LMTK3: variants seen among roughly 807,000 people sequenced by gnomAD.
The protein encoded by LMTK3 is serine/threonine-protein kinase LMTK3.
A neutral mutation model predicts 116.7 loss-of-function variants in LMTK3; 27 were observed. The ratio of observed to expected loss-of-function variants is 0.23; its 90% CI spans 0.17 to 0.32. LMTK3 has a LOEUF of 0.32. Ranked by LOEUF, LMTK3 falls within the 10% of genes least tolerant of loss-of-function variation. The probability of loss-of-function intolerance (pLI) is 1.00; values close to 1 mark genes in which losing one functional copy is unlikely to be tolerated. For missense variants in LMTK3, 1,764 were observed against 2,068.5 expected (o/e 0.85, Z 2.86); for synonymous variants, 965 against 971.0 (o/e 0.99, Z 0.11).
chr19:48,502,863 G>C, intron 6 of LMTK3, 46 bp downstream of exon 6: 1 of 1,420,452 alleles, frequency 7.0e-7, no homozygotes, highest in Non-Finnish European at 9.9e-7. Flanking sequence ...CCCCGGCCTT[G>C]TCCAGCTGCC....
rs1972357655 is a variant in LMTK3, at chr19:48,497,700, G to A, written c.3369C>T (p.Pro1123=). ...GRAPVGTGTA[P]GGGPGSGVDA... Reference sequence around the variant, plus strand: ...CCACGCCGCTTCCGGGGCCGCCGCCGGGGGCCGTCCCCGTGCCCACTGGGG... The same window carrying A: ...CCACGCCGCTTCCGGGGCCGCCGCCAGGGGCCGTCCCCGTGCCCACTGGGG... The change falls in exon 11 of 15, where the codon CCC becomes CCT. Residue 1123 remains proline (P), a synonymous_variant. Coordinates refer to ENST00000600059, the MANE Select transcript of LMTK3 (RefSeq NM_001388485.1). The surrounding 1 kb of genome is among the most constrained non-coding windows in gnomAD (Gnocchi z 5.7). 15 of 1,314,974 alleles carry A rather than the reference G, an allele frequency of 1.1e-5. No individual in the cohort carries two copies. In the Admixed American group the frequency reaches 1.5e-4, roughly 13 times the overall value. The allele number at this position is 1,314,974 out of a possible 1,614,324, so 81.5% of individuals were successfully genotyped here.
In LMTK3 at chr19:48,498,894, G is replaced by C; in HGVS notation, c.2175C>G (p.Pro725=). 1.7e-6 allele frequency: 2 copies of C among 1,190,170 alleles called. No individual in the cohort carries two copies. Among genetic ancestry groups the C allele is most frequent in the Non-Finnish European group, 2.1e-6 (2 of 934,650 alleles). 73.7% of individuals were successfully genotyped at this position (1,190,170 alleles called of 1,614,324 possible). ...GSLADLPMAP[P]ASAPPEFLDP... is the part of the protein sequence containing the mutation. ...CCAGAAACTCGGGGGGGGCCGAGGC[G>C]GGGGGGGCCATGGGCAAGTCGGCCA... is the stretch of plus-strand genomic sequence containing the variant. Residue 725 remains proline (P), a synonymous_variant, in exon 11 of 15, where the codon CCC becomes CCG. Transcript: ENST00000600059.
In LMTK3 at chr19:48,498,808, G is replaced by T. The variant is rs746709783; in HGVS notation, c.2261C>A (p.Pro754His). The change falls in exon 11 of 15, where the codon CCC becomes CAC. Residue 754 changes from proline (P) to histidine (H), a missense_variant. By Grantham distance (77) the Pro-to-His change is moderately conservative (BLOSUM62 -2). Transcript: ENST00000600059. Reference protein sequence around the residue: ...YPGRGPPPAPPPPPPPPRAPA... With the variant: ...YPGRGPPPAPHPPPPPPRAPA... ...GGCCCGAGGAGGTGGCGGCGGGGGG[G>T]GGGGAGCGGGAGGTGGCCCCCGCCC... 17 of 1,235,904 alleles carry T rather than the reference G, an allele frequency of 1.4e-5. No individual in the cohort carries two copies. Among genetic ancestry groups the T allele is most frequent in the African/African-American group, 3.2e-5 (2 of 61,922 alleles). The allele number at this position is 1,235,904 out of a possible 1,614,324, so 76.6% of individuals were successfully genotyped here.
At chr19:48,504,170 C>T (rs1290033198) in intron 5 of LMTK3, among the ~76,000 whole-genome samples, 1 of 152,186 alleles carries the variant, frequency 6.6e-6, no homozygotes, top group African/African-American at 2.4e-5. Flanking sequence ...ACCCTGCCTG[C>T]ACCTACGGTT....
intron 11 of LMTK3, among the ~76,000 whole-genome samples, chr19:48,496,602 C>T (rs748991112): frequency 1.1e-4 from 17 of 151,640 alleles, no homozygotes; most frequent in Non-Finnish European, 2.1e-4. Context: ...CATGCCCGGC[C>T]CATGCCTGGC....
chr19:48,503,299 C>T (rs1569105690), intron 5 of LMTK3, among the ~76,000 whole-genome samples: 1 of 152,140 alleles, frequency 6.6e-6, no homozygotes, highest in African/African-American at 2.4e-5. Flanking sequence ...CCACCCTCCT[C>T]AGGCTCCCAA....
chr19:48,504,702 C>T (rs1027479338), intron 5 of LMTK3, among the ~76,000 whole-genome samples: 1 of 152,096 alleles, frequency 6.6e-6, no homozygotes, highest in African/African-American at 2.4e-5. Context: ...TACACACTAC[C>T]ACACTCGGCT....
upstream of LMTK3, chr19:48,513,147 G>A (rs763098360): frequency 1.2e-5 from 20 of 1,601,646 alleles, no homozygotes; most frequent in Non-Finnish European, 1.5e-5. This position sits in a 1 kb window ranked among gnomAD's most constrained non-coding sequence, Gnocchi z 5.6. Context: ...CACGTTTCCC[G>A]TGCGGTTACG....
intron 5 of LMTK3, among the ~76,000 whole-genome samples, chr19:48,505,797 A>G (rs7250604): frequency 0.91 from 137,446 of 150,500 alleles, 63,301 homozygotes; most frequent in African/African-American, 0.98. Flanking sequence ...GGAGGCGGAG[A>G]TTGCAGTGAG....
Position 48,497,589 on chromosome 19 carries a change from C to T in LMTK3, c.3480G>A (p.Arg1160=). The T allele has an allele frequency of 7.5e-7, 1 of 1,327,336 alleles. No homozygotes were observed. Among genetic ancestry groups the T allele is most frequent in the South Asian group, 2.1e-5 (1 of 47,000 alleles). The allele number at this position is 1,327,336 out of a possible 1,614,324, so 82.2% of individuals were successfully genotyped here. Residue 1160 remains arginine (R), a synonymous_variant, in exon 11 of 15, where the codon AGG becomes AGA. Coordinates refer to ENST00000600059, the MANE Select transcript of LMTK3 (RefSeq NM_001388485.1). The surrounding 1 kb of genome is among the most constrained non-coding windows in gnomAD (Gnocchi z 5.7). ...TGGCTCTCGGGGGCGCTGGCTCCAGCCTCCTCGGCTGTGCCTCCGGTGGCG... is the reference window on the plus strand; with the variant it reads ...TGGCTCTCGGGGGCGCTGGCTCCAGTCTCCTCGGCTGTGCCTCCGGTGGCG... ...LPPPPEAQPR[R]LEPAPPRARP...
At chr19:48,496,249 A>G (rs1972320161) in intron 11 of LMTK3, among the ~76,000 whole-genome samples, 1 of 151,656 alleles carries the variant, frequency 6.6e-6, no homozygotes, top group Non-Finnish European at 1.5e-5. Context: ...AGCTAGGACT[A>G]CAGGTGCATG....
chr19:48,491,369 C>T lies in LMTK3; in HGVS notation c.4228+35G>A. The T allele has an allele frequency of 1.6e-6, 2 of 1,258,448 alleles. No homozygotes were observed. The highest frequency in any genetic ancestry group is 1.0e-6 in the Non-Finnish European group (1 of 981,822). The allele number at this position is 1,258,448 out of a possible 1,614,324, so 78.0% of individuals were successfully genotyped here. On this transcript the variant is annotated intron_variant, in intron 13 of 14. Transcript: ENST00000600059. The surrounding 1 kb of genome is among the most constrained non-coding windows in gnomAD (Gnocchi z 5.1). ...ACCCCGCCCCGTCCGCCCCATGGCT[C>T]CCGCCCCCTCCCGCCCCATAGGGCC...
rs1164077352 is a variant in LMTK3, at chr19:48,498,777, C to T, written c.2292G>A (p.Ala764=). ...PPPPPPPRAP[A]DPAASPDPPS... is the part of the protein sequence containing the mutation. ...GGGGGTCGGGGGACGCGGCCGGGTC[C>T]GCGGGGGCCCGAGGAGGTGGCGGCG... The change falls in exon 11 of 15, where the codon GCG becomes GCA. Residue 764 remains alanine (A), a synonymous_variant. Coordinates refer to ENST00000600059, the MANE Select transcript of LMTK3 (RefSeq NM_001388485.1). The T allele has an allele frequency of 4.7e-5, 43 of 912,350 alleles. No individual in the cohort carries two copies. Among genetic ancestry groups the T allele is most frequent in the Admixed American group, 1.7e-4 (4 of 23,598 alleles). The allele number at this position is 912,350 out of a possible 1,614,324, so 56.5% of individuals were successfully genotyped here.
Position 48,493,915 on chromosome 19 carries a change from C to G in LMTK3, c.3871G>C (p.Ala1291Pro). ...EDEDEEEDEE[A>P]AAPGAAAGPR... The stretch of plus-strand genomic sequence containing the variant: ...CCCGCCGCCGCGCCCGGCGCCGCCG[C>G]CTCCTCGTCCTCCTCCTCGTCCTCG... The change falls in exon 12 of 15, where the codon GCG becomes CCG. Residue 1291 changes from alanine (A) to proline (P), a missense_variant. Ala to Pro is a conservative substitution (Grantham distance 27, BLOSUM62 -1). This residue lies in a region of LMTK3 where 281 missense variants were observed against 301.4 expected (regional missense o/e 0.93). Coordinates refer to ENST00000600059, the MANE Select transcript of LMTK3 (RefSeq NM_001388485.1). The G allele has an allele frequency of 9.7e-7, 1 of 1,029,166 alleles. No homozygotes were observed. Among genetic ancestry groups the G allele is most frequent in the South Asian group, 4.4e-5 (1 of 22,730 alleles). The allele number at this position is 1,029,166 out of a possible 1,614,324, so 63.8% of individuals were successfully genotyped here.
Position 48,497,593 on chromosome 19 carries a change from C to T in LMTK3, c.3476G>A (p.Arg1159Lys). ...TCTCGGGGGCGCTGGCTCCAGCCTCCTCGGCTGTGCCTCCGGTGGCGGTGG... is the reference window on the plus strand; with the variant it reads ...TCTCGGGGGCGCTGGCTCCAGCCTCTTCGGCTGTGCCTCCGGTGGCGGTGG... ...PLPPPPEAQP[R>K]RLEPAPPRAR... Residue 1159 changes from arginine to lysine, a missense_variant, in exon 11 of 15, where the codon AGG becomes AAG. Coordinates refer to ENST00000600059, the MANE Select transcript of LMTK3 (RefSeq NM_001388485.1). This position sits in a 1 kb window ranked among gnomAD's most constrained non-coding sequence, Gnocchi z 5.7. The T allele has an allele frequency of 7.6e-7, 1 of 1,323,796 alleles. No homozygotes were observed. The highest frequency in any genetic ancestry group is 1.5e-5 in the African/African-American group (1 of 65,686). The allele number at this position is 1,323,796 out of a possible 1,614,324, so 82.0% of individuals were successfully genotyped here. A position where few individuals can be genotyped will look rare whatever the true frequency, so the allele number is the denominator to read the frequency against.
chr19:48,492,271 C>T (rs751409462), intron 12 of LMTK3, among the ~76,000 whole-genome samples: 1 of 152,212 alleles, frequency 6.6e-6, no homozygotes, highest in Non-Finnish European at 1.5e-5. Flanking sequence ...TCAATGCAGC[C>T]TCAACCTCCT....
At chr19:48,513,520 T>A (rs2147567200), upstream of LMTK3, 1 of 301,264 alleles carries the variant, frequency 3.3e-6, no homozygotes, top group South Asian at 4.0e-5. The surrounding 1 kb of genome is among the most constrained non-coding windows in gnomAD (Gnocchi z 5.6). Context: ...CATCCCACCC[T>A]CCAGCGCCCC....
Position 48,497,266 on chromosome 19 carries a change from T to C in LMTK3, c.3676+127A>G. On this transcript the variant is annotated intron_variant, in intron 11 of 14. Transcript: ENST00000600059. The surrounding 1 kb of genome is among the most constrained non-coding windows in gnomAD (Gnocchi z 5.7). ...GGCTGAGCCACGATGTGAGCCCAGG[T>C]GGTGCAGGCTTCAGGACCTGCATTC... 9.8e-7 allele frequency: 1 copy of C among 1,016,848 alleles called. No homozygotes were observed. 63.0% of individuals were successfully genotyped at this position (1,016,848 alleles called of 1,614,324 possible).
intron 5 of LMTK3, among the ~76,000 whole-genome samples, chr19:48,505,593 G>A (rs1300985569): frequency 6.6e-6 from 1 of 152,152 alleles, no homozygotes; most frequent in African/African-American, 2.4e-5. Context: ...TGGGTGCAGT[G>A]GCTCATGCCT....
Sources: gnomAD v4.1 joint callset for allele counts (sites outside exome capture counted in the v4.1 genomes callset) on GRCh38, gnomAD v4.1.1 for gene constraint, gnomAD v4.1.1 regional missense constraint, Gnocchi (gnomAD v3.1) non-coding constraint, MANE v1.5 for transcripts, NCBI Gene and HGNC (gene_info 2026-07-23, HGNC 2026-07-21) for gene names.